The following CFAP58 variants were observed in gnomAD, a reference collection of about 807,000 sequenced individuals.
The protein encoded by CFAP58 is cilia and flagella associated protein 58, also known as cilia- and flagella-associated protein 58.
Under a neutral mutation model 119.5 loss-of-function variants are expected in CFAP58, and 88 were observed. That is an observed-to-expected ratio of 0.74 (90% CI 0.62 to 0.88). CFAP58 has a LOEUF of 0.88. CFAP58 is among the 40% of genes least tolerant of loss of function. The probability of loss-of-function intolerance (pLI) is 0.00; values close to 1 mark genes in which losing one functional copy is unlikely to be tolerated. For missense variants in CFAP58, 990 were observed against 1,021.2 expected (o/e 0.97, Z 0.42); for synonymous variants, 365 against 366.3 (o/e 1.00, Z 0.04).
chr10:104,392,423 T>C (rs1362675407), intron 10 of CFAP58, 29 bp downstream of exon 10: 4 of 1,442,726 alleles, frequency 2.8e-6, no homozygotes, highest in African/African-American at 1.5e-5. Flanking sequence ...TCCTTACATT[T>C]TGATTTATTT....
intron 5 of CFAP58, among the ~76,000 whole-genome samples, chr10:104,367,079 G>A (rs565296580): frequency 2.0e-5 from 3 of 152,058 alleles, no homozygotes; most frequent in Non-Finnish European, 2.9e-5. Context: ...GGCTGGTCTC[G>A]AGCTCCTGAC....
intron 11 of CFAP58, among the ~76,000 whole-genome samples, chr10:104,394,503 T>G (rs2012113397): frequency 6.6e-6 from 1 of 152,232 alleles, no homozygotes. Context: ...GATTCTAAGA[T>G]ACCATAGATT....
At chr10:104,434,898 T>C (rs1473833136) in intron 15 of CFAP58, among the ~76,000 whole-genome samples, 1 of 152,262 alleles carries the variant, frequency 6.6e-6, no homozygotes, top group Non-Finnish European at 1.5e-5. Flanking sequence ...TTGAGTCTTC[T>C]ACACAGCTCT....
At chr10:104,432,406 G>A (rs2012863093) in intron 15 of CFAP58, among the ~76,000 whole-genome samples, 1 of 151,964 alleles carries the variant, frequency 6.6e-6, no homozygotes, top group Non-Finnish European at 1.5e-5. Context: ...TCAAAAGAGT[G>A]AAAATTAAAA....
intron 7 of CFAP58, among the ~76,000 whole-genome samples, chr10:104,372,574 A>C (rs1471626496): frequency 6.6e-6 from 1 of 152,154 alleles, no homozygotes; most frequent in Non-Finnish European, 1.5e-5. Flanking sequence ...CATGGGGTTA[A>C]ATATTTCGAT....
intron 11 of CFAP58, among the ~76,000 whole-genome samples, chr10:104,397,556 G>T (rs1405731584): frequency 2.6e-5 from 4 of 152,138 alleles, no homozygotes; most frequent in Admixed American, 2.0e-4. Flanking sequence ...TGGTTCAAAG[G>T]CACTTAAAAG....
chr10:104,446,436 G>A (rs772576937), intron 15 of CFAP58, among the ~76,000 whole-genome samples: 60 of 152,196 alleles, frequency 3.9e-4, no homozygotes, highest in Non-Finnish European at 7.4e-4. Context: ...TCAATAATTT[G>A]GCCAGGGAAA....
In CFAP58 at chr10:104,454,682, G is replaced by A; in HGVS notation, c.*152G>A. 2 of 617,580 alleles carry A rather than the reference G, an allele frequency of 3.2e-6. No individual in the cohort carries two copies. The allele number at this position is 617,580 out of a possible 1,614,324, so 38.3% of individuals were successfully genotyped here. A position where few individuals can be genotyped will look rare whatever the true frequency, so the allele number is the denominator to read the frequency against. On this transcript the variant is annotated 3_prime_UTR_variant, in exon 18 of 18. Coordinates refer to ENST00000369704, the MANE Select transcript of CFAP58 (RefSeq NM_001008723.2). ...AACTATCATAGTCACATACATATAA[G>A]AGGGATGGTGTTTTGTCTGGTTCAC...
intron 15 of CFAP58, among the ~76,000 whole-genome samples, chr10:104,425,329 G>A (rs1484081937): frequency 6.6e-6 from 1 of 152,196 alleles, no homozygotes; most frequent in Non-Finnish European, 1.5e-5. Flanking sequence ...ACTGGAGTGT[G>A]GGGATGTGGT....
intron 1 of CFAP58, among the ~76,000 whole-genome samples, chr10:104,357,998 CACATATATACACATATATGTACAT>C (rs2014607709): frequency 3.0e-5 from 4 of 132,514 alleles, no homozygotes; most frequent in African/African-American, 8.7e-5. Context: ...CATATATGTA[CACATATATACACATATATGTACAT>C]ATATATACAT....
At position 104,362,179 on chromosome 10, in the gene CFAP58, A is replaced by G; in HGVS notation, c.440+8A>G. 1 of 1,607,672 alleles carries G rather than the reference A, an allele frequency of 6.2e-7. No homozygotes were observed. The highest frequency in any genetic ancestry group is 8.5e-7 in the Non-Finnish European group (1 of 1,177,194). On this transcript the variant is annotated splice_region_variant and intron_variant, in intron 3 of 17. Coordinates refer to ENST00000369704, the MANE Select transcript of CFAP58 (RefSeq NM_001008723.2). ...AATGGACCAGCATAGCAAGTAGGTC[A>G]TAGCCTTGTTGATGTATGTTAAACT...
intron 15 of CFAP58, among the ~76,000 whole-genome samples, chr10:104,445,841 C>T (rs1264878293): frequency 6.6e-6 from 1 of 152,214 alleles, no homozygotes; most frequent in Non-Finnish European, 1.5e-5. Flanking sequence ...GTGTCTTTCT[C>T]CTCTCAACCT....
At chr10:104,388,208 G>C (rs1400176359) in intron 9 of CFAP58, among the ~76,000 whole-genome samples, 2 of 152,144 alleles carry the variant, frequency 1.3e-5, no homozygotes, top group Non-Finnish European at 2.9e-5. Context: ...CTGCAGAACA[G>C]GATTTGATTC....
intron 15 of CFAP58, among the ~76,000 whole-genome samples, chr10:104,435,905 C>T (rs549653919): frequency 2.0e-4 from 30 of 152,164 alleles, no homozygotes; most frequent in Non-Finnish European, 3.7e-4. Context: ...TGCCTGAAGC[C>T]TGCTCCTTCC....
upstream of CFAP58, among the ~76,000 whole-genome samples, chr10:104,349,790 T>C (rs187037112): frequency 7.9e-5 from 12 of 152,174 alleles, no homozygotes; most frequent in Non-Finnish European, 1.5e-4. Flanking sequence ...TCTGGGGAAG[T>C]GAGACTGAAA....
chr10:104,447,296 GC>G (rs1242983883), intron 15 of CFAP58, among the ~76,000 whole-genome samples: 1 of 151,860 alleles, frequency 6.6e-6, no homozygotes, highest in Non-Finnish European at 1.5e-5. Context: ...GGAATCACAG[GC>G]ACGAGCTACT....
intron 14 of CFAP58, 53 bp downstream of exon 14, chr10:104,403,893 C>G: frequency 8.8e-7 from 1 of 1,132,742 alleles, no homozygotes; most frequent in East Asian, 2.5e-5. Context: ...TCCTATCCCA[C>G]GCGAAGCTTC....
chr10:104,345,154 A>C, the CFAP58 span, among the ~76,000 whole-genome samples: 6 of 151,990 alleles, frequency 3.9e-5, no homozygotes, highest in Non-Finnish European at 5.9e-5. Flanking sequence ...CTCAAAAAAA[A>C]ACAAAAACAA....
upstream of CFAP58, chr10:104,353,766 G>T: frequency 9.3e-7 from 1 of 1,080,958 alleles, no homozygotes; most frequent in East Asian, 2.5e-5. Flanking sequence ...GGGCCGACGC[G>T]CCGAGCGCGG....
Sources: gnomAD v4.1 joint callset for allele counts (sites outside exome capture counted in the v4.1 genomes callset) on GRCh38, gnomAD v4.1.1 for gene constraint, MANE v1.5 for transcripts, NCBI Gene and HGNC (gene_info 2026-07-23, HGNC 2026-07-21) for gene names.